ACBD5: variants seen among roughly 807,000 people sequenced by gnomAD.
ACBD5 encodes the protein acyl-CoA binding domain containing 5, also known as acyl-CoA-binding domain-containing protein 5.
In ACBD5, 40 loss-of-function variants were observed where a neutral mutation model predicts 71.8. The ratio of observed to expected loss-of-function variants is 0.56; its 90% CI spans 0.43 to 0.72. The LOEUF is 0.72. Among genes scored for constraint, ACBD5 ranks in the 30% least tolerant of loss-of-function variants. ACBD5 has a pLI of 0.00. For missense variants in ACBD5, 559 were observed against 644.5 expected, an observed-to-expected ratio of 0.87 and a Z score of 1.44; for synonymous variants, 229 against 218.6, an observed-to-expected ratio of 1.05 and a Z score of -0.42.
chr10:27,211,616 C>T (rs548587004), intron 8 of ACBD5, among the ~76,000 whole-genome samples: 1 of 152,072 alleles, frequency 6.6e-6, no homozygotes, highest in Non-Finnish European at 1.5e-5. Flanking sequence ...CCCACGCCCG[C>T]CCAGTGAGTT....
chr10:27,197,478 T>C (rs2059473089), intron 12 of ACBD5, 36 bp from the exon 13 acceptor site: 2 of 1,521,600 alleles, frequency 1.3e-6, no homozygotes, highest in East Asian at 2.3e-5. Flanking sequence ...TTCCTGTGAG[T>C]ATGAATGCAA....
intron 5 of ACBD5, among the ~76,000 whole-genome samples, chr10:27,222,501 T>C (rs2062482645): frequency 6.6e-6 from 1 of 152,180 alleles, no homozygotes; most frequent in Non-Finnish European, 1.5e-5. Flanking sequence ...GAATTAACTG[T>C]CTTGCATTAG....
chr10:27,194,873 G>A (rs1478607513), downstream of ACBD5, among the ~76,000 whole-genome samples: 1 of 151,892 alleles, frequency 6.6e-6, no homozygotes, highest in Non-Finnish European at 1.5e-5. Flanking sequence ...GCACGTGCCT[G>A]TACTCCCAGC....
chr10:27,235,262 A>C (rs368586626), intron 2 of ACBD5, 50 bp from the exon 3 acceptor site: 18 of 1,605,682 alleles, frequency 1.1e-5, no homozygotes, highest in South Asian at 4.4e-5. Flanking sequence ...TACAACTGAT[A>C]ATCAGGTTAT....
rs12246158 is a variant in ACBD5 at position 27,208,699 on chromosome 10, G to A, written c.1205-254C>T. ...CTAAAAATACAAAAATTAGCCAGGT[G>A]TGGTGGCATGCAATTGTAATCCCAG... On this transcript the variant is annotated intron_variant, in intron 9 of 12. Transcript: ENST00000396271. 0.07 allele frequency among the ~76,000 whole-genome samples: 10,595 copies of A among 152,098 alleles called. 694 individuals are homozygous for A. The highest frequency in any genetic ancestry group is 0.17 in the African/African-American group (7,084 of 41,446).
In ACBD5 at chr10:27,197,304, TA is replaced by T. The variant is rs1408185405; in HGVS notation, c.*125del. ...TATATGTGTATATATGTACACAAAC[TA>T]AACTACTGGACAACAAAAAGCAATG... On this transcript the variant is annotated 3_prime_UTR_variant, in exon 13 of 13. Transcript: ENST00000396271. 2.2e-6 allele frequency: 2 copies of T among 898,920 alleles called. No individual in the cohort carries two copies. Among genetic ancestry groups the T allele is most frequent in the Admixed American group, 3.9e-5 (2 of 51,226 alleles). The allele number at this position is 898,920 out of a possible 1,614,324, so 55.7% of individuals were successfully genotyped here.
intron 13 of ACBD5, chr10:27,186,330 C>T: frequency 6.6e-7 from 1 of 1,525,066 alleles, no homozygotes; most frequent in Non-Finnish European, 9.1e-7. Flanking sequence ...TAAAGCAGTA[C>T]TTACTTAGGT....
intron 8 of ACBD5, among the ~76,000 whole-genome samples, chr10:27,213,759 G>A (rs966799913): frequency 2.2e-5 from 3 of 135,662 alleles, no homozygotes; most frequent in African/African-American, 3.4e-5. Context: ...CTCCGCCTCA[G>A]AAAAAAAAAA....
intron 13 of ACBD5, among the ~76,000 whole-genome samples, chr10:27,183,013 CTTTT>C (rs957017072): frequency 1.3e-5 from 2 of 151,920 alleles, no homozygotes; most frequent in Admixed American, 6.6e-5. Flanking sequence ...TACAGGAAAT[CTTTT>C]TTTATGAAAC....
chr10:27,231,882 A>T, intron 3 of ACBD5, 62 bp from the exon 4 acceptor site: 1 of 1,467,314 alleles, frequency 6.8e-7, no homozygotes, highest in South Asian at 1.1e-5. Context: ...CTCAGAATAC[A>T]ATTTATAGTT....
intron 7 of ACBD5, among the ~76,000 whole-genome samples, chr10:27,216,568 GC>G (rs1231895729): frequency 6.6e-6 from 1 of 152,168 alleles, no homozygotes; most frequent in Non-Finnish European, 1.5e-5. Flanking sequence ...GAGCCACTGT[GC>G]CTGACCTTTG....
intron 12 of ACBD5, among the ~76,000 whole-genome samples, chr10:27,197,664 G>A (rs2059489935): frequency 6.6e-6 from 1 of 152,042 alleles, no homozygotes; most frequent in Non-Finnish European, 1.5e-5. Context: ...TTTATTTACT[G>A]GGGCAAAGTC....
chr10:27,206,849 C>A (rs1468853068), intron 10 of ACBD5, among the ~76,000 whole-genome samples: 1 of 151,844 alleles, frequency 6.6e-6, no homozygotes, highest in Non-Finnish European at 1.5e-5. Context: ...TCCTTATACA[C>A]CTTCTTGAGG....
chr10:27,238,293 T>C (rs2065027375), intron 2 of ACBD5, among the ~76,000 whole-genome samples: 1 of 152,190 alleles, frequency 6.6e-6, no homozygotes, highest in Non-Finnish European at 1.5e-5. Flanking sequence ...GTATGTTAAC[T>C]TTGCAATACT....
chr10:27,213,285 A>T (rs1436566398), intron 8 of ACBD5, among the ~76,000 whole-genome samples: 1 of 152,234 alleles, frequency 6.6e-6, no homozygotes, highest in African/African-American at 2.4e-5. Flanking sequence ...CATCAGCGAA[A>T]TGCAAATCAA....
At position 27,224,202 on chromosome 10, in the gene ACBD5, C is replaced by CA. The variant is rs35272279; in HGVS notation, c.376-751dup. On this transcript the variant is annotated intron_variant, in intron 4 of 12. Transcript: ENST00000396271. ...GCAACATAGTAAGGGCCCATTTCTA[C>CA]AAAAAAAAAAAAAAAAATTGTCTAA... is the stretch of plus-strand genomic sequence containing the variant. Among the ~76,000 whole-genome samples, 1,096 of 124,606 alleles carry CA rather than the reference C, an allele frequency of 8.8e-3. 10 individuals are homozygous for CA. Among genetic ancestry groups the CA allele is most frequent in the African/African-American group, 0.021 (676 of 32,850 alleles). 81.7% of individuals were successfully genotyped at this position (124,606 alleles called of 152,430 possible).
At chr10:27,208,900 T>A (rs2060759405) in intron 9 of ACBD5, among the ~76,000 whole-genome samples, 1 of 152,244 alleles carries the variant, frequency 6.6e-6, no homozygotes, top group East Asian at 1.9e-4. Context: ...TAAAATAAAC[T>A]GCTGAGCTCA....
At position 27,208,446 on chromosome 10, in the gene ACBD5, C is replaced by T. The variant is rs2060704257; in HGVS notation, c.1205-1G>A. Reference sequence around the variant, plus strand: ...TCGCTCAAGTGTTGCATCCTATGTCCTATTTTAAGAGGCAAAAATAAGCTT... The same window carrying T: ...TCGCTCAAGTGTTGCATCCTATGTCTTATTTTAAGAGGCAAAAATAAGCTT... On this transcript the variant is annotated splice_acceptor_variant, in intron 9 of 12. Coordinates refer to ENST00000396271, the MANE Select transcript of ACBD5 (RefSeq NM_145698.5). LOFTEE classifies it high-confidence loss of function. The T allele has an allele frequency of 6.2e-7, 1 of 1,613,406 alleles. No individual in the cohort carries two copies. Among genetic ancestry groups the T allele is most frequent in the African/African-American group, 1.3e-5 (1 of 74,900 alleles).
chr10:27,218,213 A>G lies in ACBD5; in HGVS notation c.626-30T>C, dbSNP rs7068463. On this transcript the variant is annotated intron_variant, in intron 6 of 12. Coordinates refer to ENST00000396271, the MANE Select transcript of ACBD5 (RefSeq NM_145698.5). ...TACGAGAAAATGGGAAAGATTCATA[A>G]AAGTTCACAGTAGGTCACCTTCTGC... is the stretch of plus-strand genomic sequence containing the variant. 0.039 allele frequency: 61,122 copies of G among 1,565,342 alleles called. 2,254 individuals are homozygous for G. Among genetic ancestry groups the G allele is most frequent in the African/African-American group, 0.17 (12,611 of 73,938 alleles).
Sources: allele counts gnomAD v4.1 joint callset (sites outside exome capture counted in the v4.1 genomes callset), GRCh38; gene constraint gnomAD v4.1.1; transcripts MANE v1.5; gene names NCBI Gene and HGNC (gene_info 2026-07-23, HGNC 2026-07-21).